The following NLK variants were observed in gnomAD, a reference collection of about 807,000 sequenced individuals.
NLK encodes the protein serine/threonine-protein kinase NLK.
NLK carries 11 observed loss-of-function variants against 59.0 expected under a neutral mutation model. That is an observed-to-expected ratio of 0.19 (90% CI 0.12 to 0.31). The LOEUF is 0.31. Ranked by LOEUF, NLK falls within the 10% of genes least tolerant of loss-of-function variation. The probability of loss-of-function intolerance (pLI) is 1.00; values close to 1 mark genes in which losing one functional copy is unlikely to be tolerated. For missense variants in NLK, 410 were observed against 661.1 expected, an observed-to-expected ratio of 0.62 and a Z score of 4.16; for synonymous variants, 235 against 235.9, an observed-to-expected ratio of 1.00 and a Z score of 0.03.
intron 1 of NLK, chr17:28,047,884 A>G (rs1342697061): frequency 1.0e-5 from 4 of 398,016 alleles, no homozygotes; most frequent in Non-Finnish European, 1.8e-5. Flanking sequence ...GTAGTATACT[A>G]AAGGGTATTT....
chr17:28,182,036 A>G (rs926878446), intron 7 of NLK, among the ~76,000 whole-genome samples: 2 of 152,110 alleles, frequency 1.3e-5, no homozygotes, highest in African/African-American at 4.8e-5. Context: ...AAACAGACAT[A>G]CAATTTTAGA....
intron 1 of NLK, among the ~76,000 whole-genome samples, chr17:28,069,751 T>C (rs1238143337): frequency 6.6e-6 from 1 of 152,186 alleles, no homozygotes; most frequent in Non-Finnish European, 1.5e-5. Context: ...ATTATTATAC[T>C]GTAGGAGTCT....
intron 3 of NLK, among the ~76,000 whole-genome samples, chr17:28,159,416 G>A (rs978121193): frequency 6.6e-6 from 1 of 152,112 alleles, no homozygotes; most frequent in African/African-American, 2.4e-5. Flanking sequence ...AATATTCAGT[G>A]TAGATTCTAG....
At chr17:28,124,525 TA>T (rs911220385) in intron 2 of NLK, among the ~76,000 whole-genome samples, 1 of 150,940 alleles carries the variant, frequency 6.6e-6, no homozygotes, top group Non-Finnish European at 1.5e-5. Context: ...ACTCCATCTC[TA>T]AAAAAAAACC....
intron 1 of NLK, among the ~76,000 whole-genome samples, chr17:28,117,477 A>G (rs1905830294): frequency 6.6e-6 from 1 of 152,182 alleles, no homozygotes; most frequent in Non-Finnish European, 1.5e-5. Flanking sequence ...AGAATGGCCC[A>G]GTGCTGTCTT....
chr17:28,191,596 G>A (rs1042259090), intron 9 of NLK, among the ~76,000 whole-genome samples: 2 of 152,152 alleles, frequency 1.3e-5, no homozygotes, highest in Non-Finnish European at 2.9e-5. Context: ...GACAAGAGAA[G>A]GGAATTTCTG....
chr17:28,202,294 G>A, the NLK span, among the ~76,000 whole-genome samples: 1 of 152,100 alleles, frequency 6.6e-6, no homozygotes, highest in Admixed American at 6.5e-5. Flanking sequence ...TACTCAGGAG[G>A]CTGAGGTAGG....
At chr17:28,122,527 T>C in intron 1 of NLK, 76 bp from the exon 2 acceptor site, 2 of 1,497,264 alleles carry the variant, frequency 1.3e-6, no homozygotes. Context: ...TGTCATGATC[T>C]GAAACATTGG....
intron 3 of NLK, among the ~76,000 whole-genome samples, chr17:28,159,134 CT>C (rs1907903792): frequency 6.6e-6 from 1 of 152,048 alleles, no homozygotes; most frequent in African/African-American, 2.4e-5. Flanking sequence ...TAGCTAAGGC[CT>C]AAGGTTGGAG....
chr17:28,109,194 T>C (rs1905353696), intron 1 of NLK, among the ~76,000 whole-genome samples: 1 of 151,284 alleles, frequency 6.6e-6, no homozygotes, highest in South Asian at 2.1e-4. Flanking sequence ...AAAAAAAAGA[T>C]TTTTAAGATT....
intron 1 of NLK, among the ~76,000 whole-genome samples, chr17:28,121,520 T>C (rs1906057087): frequency 7.0e-6 from 1 of 143,556 alleles, no homozygotes; most frequent in Non-Finnish European, 1.5e-5. Context: ...TTTTTTTTTT[T>C]GAGACAGAGT....
chr17:28,205,846 A>G, the NLK span, among the ~76,000 whole-genome samples: 1 of 152,184 alleles, frequency 6.6e-6, no homozygotes, highest in Non-Finnish European at 1.5e-5. Context: ...AAGTAAGTTT[A>G]GACATCTCAA....
the NLK span, among the ~76,000 whole-genome samples, chr17:28,201,861 C>T: frequency 6.6e-6 from 1 of 152,030 alleles, no homozygotes; most frequent in East Asian, 1.9e-4. Flanking sequence ...ACTAAAAATA[C>T]AAAAGTTAGC....
chr17:28,099,299 CCTAT>C (rs1904816910), intron 1 of NLK, among the ~76,000 whole-genome samples: 1 of 151,978 alleles, frequency 6.6e-6, no homozygotes, highest in Admixed American at 6.6e-5. Context: ...ACAAAATTCA[CCTAT>C]CTGTGAATTT....
chr17:28,185,404 A>G, intron 8 of NLK, 139 bp downstream of exon 8: 4 of 561,486 alleles, frequency 7.1e-6, no homozygotes, highest in Non-Finnish European at 1.2e-5. Context: ...TATCATGTGT[A>G]TCATGCACGC....
At chr17:28,047,831 G>A (rs973934276) in intron 1 of NLK, 1 of 395,630 alleles carries the variant, frequency 2.5e-6, no homozygotes, top group Non-Finnish European at 4.5e-6. Flanking sequence ...ATGCTTTTGG[G>A]ATATGTTTGG....
chr17:28,074,909 C>T lies in NLK; in HGVS notation c.458+31578C>T, dbSNP rs34553307. ...AACACCCGAGGTTGGGAGGTGGACA[C>T]CAAGCTGGCTCATGATGAAACAAGC... On this transcript the variant is annotated intron_variant, in intron 1 of 10. Coordinates refer to ENST00000407008, the MANE Select transcript of NLK (RefSeq NM_016231.5). Among the ~76,000 whole-genome samples, 877 of 152,244 alleles carry T rather than the reference C, an allele frequency of 5.8e-3. 5 individuals are homozygous for T. The highest frequency in any genetic ancestry group is 0.021 in the African/African-American group (858 of 41,526).
At chr17:28,117,306 T>G (rs1348484938) in intron 1 of NLK, among the ~76,000 whole-genome samples, 3 of 152,244 alleles carry the variant, frequency 2.0e-5, no homozygotes, top group African/African-American at 7.2e-5. Flanking sequence ...CATTTTAACT[T>G]ATCCAGTATT....
chr17:28,127,186 A>G (rs1906324483), intron 2 of NLK, among the ~76,000 whole-genome samples: 1 of 152,176 alleles, frequency 6.6e-6, no homozygotes, highest in African/African-American at 2.4e-5. Flanking sequence ...AGTGACAGAA[A>G]AAAAGAAATC....
Sources: allele counts gnomAD v4.1 joint callset (sites outside exome capture counted in the v4.1 genomes callset), GRCh38; gene constraint gnomAD v4.1.1; transcripts MANE v1.5; gene names NCBI Gene and HGNC (gene_info 2026-07-23, HGNC 2026-07-21).